Variants in CCL28 observed in about 807,000 individuals in gnomAD.
CCL28 encodes C-C motif chemokine 28.
CCL28 carries 4 observed loss-of-function variants against 7.1 expected under a neutral mutation model. The observed-to-expected ratio is 0.56, with a 90% CI of 0.28 to 1.29. CCL28 has a LOEUF of 1.29. CCL28 is among the 50% of genes most tolerant of loss of function. The pLI is 0.11. For missense variants in CCL28, 151 were observed against 163.4 expected (o/e 0.92, Z 0.41); for synonymous variants, 55 against 57.8 (o/e 0.95, Z 0.22).
At chr5:43,368,390 C>A in the CCL28 span, among the ~76,000 whole-genome samples, 1 of 152,140 alleles carries the variant, frequency 6.6e-6, no homozygotes, top group African/African-American at 2.4e-5. Flanking sequence ...TGGCCACCAG[C>A]TAAGAACTAT....
At chr5:43,393,743 T>C (rs976079770) in intron 1 of CCL28, among the ~76,000 whole-genome samples, 1 of 152,130 alleles carries the variant, frequency 6.6e-6, no homozygotes, top group Admixed American at 6.6e-5. Context: ...TCTACAAGGA[T>C]TAAGCCCACT....
chr5:43,384,301 A>G (rs1740247836), intron 2 of CCL28, among the ~76,000 whole-genome samples: 2 of 152,204 alleles, frequency 1.3e-5, no homozygotes, highest in South Asian at 4.1e-4. Flanking sequence ...GGCAACAACT[A>G]GCATGTGGGC....
chr5:43,358,168 A>G, the CCL28 span, among the ~76,000 whole-genome samples: 1 of 152,240 alleles, frequency 6.6e-6, no homozygotes, highest in Non-Finnish European at 1.5e-5. Flanking sequence ...GCAAAGCTGT[A>G]ATATTTAATA....
intron 1 of CCL28, among the ~76,000 whole-genome samples, chr5:43,406,507 C>T (rs1023608861): frequency 6.6e-6 from 1 of 152,102 alleles, no homozygotes; most frequent in African/African-American, 2.4e-5. Context: ...TCCAAATAAT[C>T]AGAGCTATTT....
Position 43,382,052 on chromosome 5 carries a change from G to A in CCL28, c.192C>T (p.Ile64=). ...ADGDCDLAAV[I]LHVKRRRICV... ...AGATTCTTCTGCGCTTGACATGAAG[G>A]CTGTTAGAAAAGGAAGCAAAAGAAA... The change falls in exon 3 of 3, where the codon ATC becomes ATT. Residue 64 remains isoleucine (I), a splice_region_variant and synonymous_variant. Coordinates refer to ENST00000361115, the MANE Select transcript of CCL28 (RefSeq NM_148672.3). The A allele has an allele frequency of 1.2e-6, 2 of 1,601,490 alleles. No individual in the cohort carries two copies. Among genetic ancestry groups the A allele is most frequent in the Non-Finnish European group, 1.7e-6 (2 of 1,173,484 alleles).
chr5:43,359,740 C>T, the CCL28 span, among the ~76,000 whole-genome samples: 6 of 152,270 alleles, frequency 3.9e-5, no homozygotes, highest in African/African-American at 1.4e-4. Flanking sequence ...CTCAATTGCT[C>T]CTATACATAA....
chr5:43,360,135 C>A, the CCL28 span, among the ~76,000 whole-genome samples: 4 of 152,068 alleles, frequency 2.6e-5, no homozygotes, highest in African/African-American at 9.7e-5. Context: ...TAGGAAGAAC[C>A]CTTTGGGCAA....
At chr5:43,359,493 G>T in the CCL28 span, among the ~76,000 whole-genome samples, 1 of 152,202 alleles carries the variant, frequency 6.6e-6, no homozygotes, top group Non-Finnish European at 1.5e-5. Flanking sequence ...GGGTCGGGCA[G>T]GTGTTCCTTG....
intron 1 of CCL28, among the ~76,000 whole-genome samples, chr5:43,394,853 T>A (rs1740733067): frequency 6.6e-6 from 1 of 152,072 alleles, no homozygotes; most frequent in African/African-American, 2.4e-5. Context: ...TGGATTAATC[T>A]ATTTTCTTCC....
chr5:43,395,345 T>G (rs1466607394), intron 1 of CCL28, among the ~76,000 whole-genome samples: 4 of 152,090 alleles, frequency 2.6e-5, no homozygotes, highest in African/African-American at 9.7e-5. Flanking sequence ...TTTTAAATTC[T>G]TAGTGTTTGA....
chr5:43,379,098 G>C (rs977463914), downstream of CCL28: 7 of 152,146 alleles, frequency 4.6e-5, no homozygotes, highest in Non-Finnish European at 7.3e-5. Flanking sequence ...ATTCATAGCT[G>C]CCCAACAATT....
chr5:43,373,660 C>T (rs911296446), downstream of CCL28, among the ~76,000 whole-genome samples: 3 of 152,088 alleles, frequency 2.0e-5, no homozygotes, highest in African/African-American at 7.2e-5. Flanking sequence ...GGGTAACTCT[C>T]CAAGTAAAGA....
chr5:43,364,602 G>A, the CCL28 span, among the ~76,000 whole-genome samples: 1 of 151,026 alleles, frequency 6.6e-6, no homozygotes, highest in Non-Finnish European at 1.5e-5. Context: ...AATTATTTCA[G>A]TTCTAAAAAA....
At chr5:43,388,618 C>A (rs936303401) in intron 1 of CCL28, 142 bp from the exon 2 acceptor site, 1 of 739,656 alleles carries the variant, frequency 1.4e-6, no homozygotes, top group Non-Finnish European at 2.1e-6. Context: ...AGACTTGGGG[C>A]AGGACATGTT....
the CCL28 span, among the ~76,000 whole-genome samples, chr5:43,367,053 A>C: frequency 2.6e-5 from 4 of 151,928 alleles, no homozygotes; most frequent in African/African-American, 9.6e-5. Flanking sequence ...ATGCCCACTC[A>C]GGCCTCAGTA....
At chr5:43,401,859 C>T (rs1441198911) in intron 1 of CCL28, among the ~76,000 whole-genome samples, 2 of 152,140 alleles carry the variant, frequency 1.3e-5, no homozygotes, top group Non-Finnish European at 2.9e-5. Context: ...CTAGCTGGAA[C>T]GTTGTTAAAC....
chr5:43,378,101 G>GGCCCGGCCAGAACTTAAACTTTGTAAA (rs1483768783), downstream of CCL28, among the ~76,000 whole-genome samples: 2 of 152,188 alleles, frequency 1.3e-5, no homozygotes, highest in Admixed American at 6.5e-5. Context: ...CTAGCACTTT[G>GGCCCGGCCAGAACTTAAACTTTGTAAA]GGAGGGTGAG....
At chr5:43,404,245 G>A (rs1173136531) in intron 1 of CCL28, among the ~76,000 whole-genome samples, 3 of 152,160 alleles carry the variant, frequency 2.0e-5, no homozygotes, top group African/African-American at 4.8e-5. Context: ...AAAATGTTAA[G>A]GGCAGCCAGA....
chr5:43,399,906 T>C (rs1579743847), intron 1 of CCL28, among the ~76,000 whole-genome samples: 1 of 151,474 alleles, frequency 6.6e-6, no homozygotes, highest in African/African-American at 2.4e-5. Flanking sequence ...AGCGCAATGG[T>C]GTGATCACGG....
Sources: allele counts gnomAD v4.1 joint callset (sites outside exome capture counted in the v4.1 genomes callset), GRCh38; gene constraint gnomAD v4.1.1; transcripts MANE v1.5; gene names NCBI Gene and HGNC (gene_info 2026-07-23, HGNC 2026-07-21).